ARF4: variants seen among roughly 807,000 people sequenced by gnomAD.
ARF4 encodes the protein ARF GTPase 4.
A neutral mutation model predicts 24.3 loss-of-function variants in ARF4; 5 were observed. That is an observed-to-expected ratio of 0.21 (90% confidence interval 0.11 to 0.43). The LOEUF (loss-of-function observed/expected upper bound fraction) is 0.43, where lower values mean the gene tolerates loss of function less well. Ranked by LOEUF, ARF4 falls within the 20% of genes least tolerant of loss-of-function variation. The pLI is 1.00. For synonymous variants in ARF4, 62 were observed against 73.5 expected, an observed-to-expected ratio of 0.84 and a Z score of 0.80; for missense variants, 107 against 213.0, an observed-to-expected ratio of 0.50 and a Z score of 3.10.
intron 1 of ARF4, among the ~76,000 whole-genome samples, chr3:57,589,659 A>C (rs1174588215): frequency 6.7e-6 from 1 of 149,570 alleles, no homozygotes; most frequent in East Asian, 2.0e-4. Flanking sequence ...TGGAGGTTAC[A>C]GTGAGCCCAT....
In ARF4 at chr3:57,583,901, G is replaced by C. The variant is rs1189383278; in HGVS notation, c.255C>G (p.Thr85=). The part of the protein sequence containing the change: ...RPLWKHYFQN[T]QGLIFVVDSN... The stretch of plus-strand genomic sequence containing the variant: ...AAAAACATACAGTATCCCTTACCTG[G>C]GTATTCTGGAAGTAATGCTTCCAGA... Residue 85 remains threonine (T), a synonymous_variant, in exon 3 of 6, where the codon ACC becomes ACG. Transcript: ENST00000303436. The C allele has an allele frequency of 6.3e-7, 1 of 1,587,200 alleles. No homozygotes were observed. Among genetic ancestry groups the C allele is most frequent in the Non-Finnish European group, 8.6e-7 (1 of 1,158,870 alleles).
chr3:57,584,808 C>G (rs1443680437), intron 1 of ARF4, among the ~76,000 whole-genome samples: 1 of 148,290 alleles, frequency 6.7e-6, no homozygotes, highest in African/African-American at 2.5e-5. Context: ...TGGATCAGAT[C>G]ATCTAAGATC....
At chr3:57,588,065 T>G (rs1280402251) in intron 1 of ARF4, among the ~76,000 whole-genome samples, 1 of 152,226 alleles carries the variant, frequency 6.6e-6, no homozygotes, top group African/African-American at 2.4e-5. Context: ...GTTGCAATAT[T>G]TGGCAATGAA....
At chr3:57,572,319 A>G in intron 5 of ARF4, 21 bp from the exon 6 acceptor site, 1 of 1,573,452 alleles carries the variant, frequency 6.4e-7, no homozygotes, top group South Asian at 1.1e-5. Context: ...AAGACAAGAA[A>G]ATACTTGATT....
intron 1 of ARF4, among the ~76,000 whole-genome samples, chr3:57,587,926 T>C (rs948826061): frequency 2.6e-5 from 4 of 152,168 alleles, no homozygotes; most frequent in African/African-American, 9.7e-5. Flanking sequence ...TTGAAAAAGG[T>C]ATTTATAAGC....
At chr3:57,585,094 C>A (rs1168268660) in intron 1 of ARF4, among the ~76,000 whole-genome samples, 1 of 152,058 alleles carries the variant, frequency 6.6e-6, no homozygotes, top group Non-Finnish European at 1.5e-5. Flanking sequence ...AAACTCCTGG[C>A]CTCAAGTGAT....
intron 1 of ARF4, among the ~76,000 whole-genome samples, chr3:57,591,276 G>C (rs9681578): frequency 6.6e-6 from 1 of 151,930 alleles, no homozygotes; most frequent in Non-Finnish European, 1.5e-5. Context: ...TGAAGAGCTA[G>C]AAAGTGAAAA....
At chr3:57,594,203 G>A (rs550282460) in intron 1 of ARF4, among the ~76,000 whole-genome samples, 10 of 152,260 alleles carry the variant, frequency 6.6e-5, no homozygotes, top group Admixed American at 3.9e-4. Context: ...TGGCCTGGGA[G>A]ACAAGAGTGA....
At chr3:57,592,464 G>A (rs2070127218) in intron 1 of ARF4, among the ~76,000 whole-genome samples, 1 of 152,062 alleles carries the variant, frequency 6.6e-6, no homozygotes, top group African/African-American at 2.4e-5. Flanking sequence ...CTCGAGCCTG[G>A]GTGACACAGT....
At chr3:57,579,674 T>C (rs2069947832) in intron 3 of ARF4, among the ~76,000 whole-genome samples, 1 of 152,230 alleles carries the variant, frequency 6.6e-6, no homozygotes, top group African/African-American at 2.4e-5. Flanking sequence ...TTACATCCAT[T>C]AAATGACAAT....
rs2070204150 is a variant in ARF4, at chr3:57,597,319, G to T, written c.-179C>A. On this transcript the variant is annotated 5_prime_UTR_variant, in exon 1 of 6. Coordinates refer to ENST00000303436, the MANE Select transcript of ARF4 (RefSeq NM_001660.4). ...CGATGAAGATCCGGCACAGGAATAA[G>T]CCGGTAGAGGACCTGCTAGGCGACT... The T allele has an allele frequency of 5.2e-6, 3 of 580,934 alleles. No homozygotes were observed. In the South Asian group the frequency reaches 6.1e-5, roughly 12 times the overall value. 36.0% of individuals were successfully genotyped at this position (580,934 alleles called of 1,614,324 possible).
chr3:57,582,879 G>A (rs1388326836), intron 3 of ARF4, among the ~76,000 whole-genome samples: 1 of 152,240 alleles, frequency 6.6e-6, no homozygotes, highest in Non-Finnish European at 1.5e-5. Context: ...GTCATTCCAA[G>A]TTTCAGTTTC....
chr3:57,589,158 T>C (rs557640909), intron 1 of ARF4, among the ~76,000 whole-genome samples: 1 of 151,468 alleles, frequency 6.6e-6, no homozygotes, highest in African/African-American at 2.4e-5. Context: ...TCCCAGCTAC[T>C]GGGTGAGGCT....
At chr3:57,594,657 A>C (rs1371566535) in intron 1 of ARF4, among the ~76,000 whole-genome samples, 1 of 152,236 alleles carries the variant, frequency 6.6e-6, no homozygotes, top group Admixed American at 6.5e-5. Flanking sequence ...GCTAACTGCT[A>C]TCTCCTTTAT....
chr3:57,575,640 G>A lies in ARF4; in HGVS notation c.364C>T (p.Leu122=). The change falls in exon 5 of 6, where the codon CTA becomes TTA. Residue 122 remains leucine (L), a synonymous_variant. Transcript: ENST00000303436. ...AAATCCTGTTTGTTTGCAAAAAGTA[G>A]CAGCACTGCATCTCTCAATTCATCT... is the stretch of plus-strand genomic sequence containing the variant. ...LVDELRDAVL[L]LFANKQDLPN... is the part of the protein sequence containing the mutation. The A allele has an allele frequency of 6.2e-7, 1 of 1,613,270 alleles. No individual in the cohort carries two copies. Among genetic ancestry groups the A allele is most frequent in the South Asian group, 1.1e-5 (1 of 90,946 alleles).
chr3:57,575,887 T>G (rs987844089), intron 4 of ARF4, among the ~76,000 whole-genome samples: 7 of 152,222 alleles, frequency 4.6e-5, no homozygotes, highest in African/African-American at 9.6e-5. Context: ...CAGAACTGTT[T>G]TCCAAGTCAA....
intron 1 of ARF4, among the ~76,000 whole-genome samples, chr3:57,587,273 C>T (rs1234789540): frequency 7.1e-6 from 1 of 141,552 alleles, no homozygotes; most frequent in African/African-American, 2.6e-5. Flanking sequence ...GAGCCGAGAT[C>T]GTGCCATTGC....
chr3:57,575,473 C>T, intron 5 of ARF4, 75 bp downstream of exon 5: 1 of 1,405,588 alleles, frequency 7.1e-7, no homozygotes, highest in Admixed American at 2.5e-5. Context: ...AATGTTTAAA[C>T]TGAATATTAG....
chr3:57,580,931 T>C (rs908827835), intron 3 of ARF4, among the ~76,000 whole-genome samples: 3 of 152,102 alleles, frequency 2.0e-5, no homozygotes, highest in African/African-American at 7.2e-5. Context: ...AAAATGCAAA[T>C]AATGCTATCA....
Sources: gnomAD v4.1 joint callset for allele counts (sites outside exome capture counted in the v4.1 genomes callset) on GRCh38, gnomAD v4.1.1 for gene constraint, MANE v1.5 for transcripts, NCBI Gene and HGNC (gene_info 2026-07-23, HGNC 2026-07-21) for gene names.